Variants in NAT10 observed in about 807,000 individuals in gnomAD.
The protein encoded by NAT10 is RNA cytidine acetyltransferase.
In NAT10, 109 loss-of-function variants were observed where a neutral mutation model predicts 132.2. That is an observed-to-expected ratio of 0.82 (90% CI 0.71 to 0.97). The LOEUF (loss-of-function observed/expected upper bound fraction) is 0.97, where lower values mean the gene tolerates loss of function less well. Ranked by LOEUF, NAT10 falls within the 50% of genes least tolerant of loss-of-function variation. The pLI, the probability that NAT10 is intolerant of heterozygous loss-of-function variation, is 0.00. For synonymous variants in NAT10, 479 were observed against 478.0 expected (o/e 1.00, Z -0.03); for missense variants, 1,184 against 1,263.4 (o/e 0.94, Z 0.95).
chr11:34,141,879 A>AT, intron 26 of NAT10, 62 bp downstream of exon 26: 2 of 1,355,090 alleles, frequency 1.5e-6, no homozygotes, highest in Non-Finnish European at 1.1e-6. Flanking sequence ...TAGGCTGTGA[A>AT]TTCAGACTGT....
chr11:34,145,797 C>G lies in NAT10; in HGVS notation c.2970-287C>G, dbSNP rs566993834. On this transcript the variant is annotated intron_variant, in intron 28 of 28. Coordinates refer to ENST00000257829, the MANE Select transcript of NAT10 (RefSeq NM_024662.3). ...TCTTGGGAGAGGGGAGCAGAGTGTA[C>G]TGCACCCTGAGGAGAACCCGGATTT... Among the ~76,000 whole-genome samples, 99 of 152,206 alleles carry G rather than the reference C, an allele frequency of 6.5e-4. 3 individuals carry two copies. The South Asian group carries it at 0.02, about 31-fold the overall frequency.
chr11:34,132,501 G>C (rs1301914033), intron 15 of NAT10, among the ~76,000 whole-genome samples: 1 of 91,214 alleles, frequency 1.1e-5, no homozygotes, highest in Non-Finnish European at 3.3e-5. Flanking sequence ...GTTGTGGCCC[G>C]GTGGTGCAGT....
At chr11:34,113,684 G>A (rs1472713257) in intron 4 of NAT10, 32 bp from the exon 5 acceptor site, 2 of 1,431,072 alleles carry the variant, frequency 1.4e-6, no homozygotes, top group Admixed American at 3.6e-5. Context: ...CTATTTGCAT[G>A]ACCAGCCCTT....
chr11:34,128,360 A>T (rs1448227357), intron 12 of NAT10, among the ~76,000 whole-genome samples: 4 of 151,394 alleles, frequency 2.6e-5, no homozygotes, highest in African/African-American at 9.8e-5. Flanking sequence ...TCAAAAACAA[A>T]ACAAAAAAAA....
chr11:34,112,464 A>G (rs569357629), intron 4 of NAT10, among the ~76,000 whole-genome samples: 2 of 152,402 alleles, frequency 1.3e-5, no homozygotes, highest in East Asian at 3.9e-4. Flanking sequence ...GTGATGAGTT[A>G]TTATAACGGG....
chr11:34,108,563 G>A (rs1439252529), intron 2 of NAT10, among the ~76,000 whole-genome samples, 179 bp from the exon 3 acceptor site: 1 of 152,186 alleles, frequency 6.6e-6, no homozygotes, highest in Non-Finnish European at 1.5e-5. Flanking sequence ...TGACCACAAA[G>A]TGAACTGTAT....
intron 26 of NAT10, 53 bp downstream of exon 26, chr11:34,141,870 A>C (rs897106771): frequency 1.4e-6 from 2 of 1,468,102 alleles, no homozygotes; most frequent in Admixed American, 3.4e-5. Flanking sequence ...CAGTTGCCTT[A>C]GGCTGTGAAT....
Position 34,118,205 on chromosome 11 carries a change from A to C in NAT10, c.583A>C (p.Lys195Gln). Reference sequence around the variant, plus strand: ...GTTTATTCTGTCTCTGGCCTCTTGTAAGAAGTGTCTCGTCATTGATGACCA... The same window carrying C: ...GTTTATTCTGTCTCTGGCCTCTTGTCAGAAGTGTCTCGTCATTGATGACCA... ...ERFILSLASC[K>Q]KCLVIDDQLN... The change falls in exon 7 of 29, where the codon AAG becomes CAG. Residue 195 changes from lysine to glutamine, a missense_variant. Physicochemically the swap from Lys to Gln is moderately conservative, Grantham distance 53. Transcript: ENST00000257829. 1 of 1,614,144 alleles carries C rather than the reference A, an allele frequency of 6.2e-7. No homozygotes were observed. Among genetic ancestry groups the C allele is most frequent in the East Asian group, 2.2e-5 (1 of 44,880 alleles).
rs567992675 is a variant in NAT10, at chr11:34,127,059, G to A, written c.1108-404G>A. Among the ~76,000 whole-genome samples, 40 of 152,260 alleles carry A rather than the reference G, an allele frequency of 2.6e-4. No individual in the cohort carries two copies. The South Asian group carries it at 6.6e-3, about 25-fold the overall frequency. ...TCCTTATCTGAGGCTGGGGGAAAAC[G>A]TGAGGAGACAAAGGAGAGAAAGGAA... On this transcript the variant is annotated intron_variant, in intron 11 of 28. Coordinates refer to ENST00000257829, the MANE Select transcript of NAT10 (RefSeq NM_024662.3).
chr11:34,133,386 C>T (rs1030036805), intron 16 of NAT10, among the ~76,000 whole-genome samples: 1 of 152,202 alleles, frequency 6.6e-6, no homozygotes, highest in African/African-American at 2.4e-5. Flanking sequence ...CTTATTTTGA[C>T]TCACAGCTTC....
chr11:34,130,420 TC>T (rs1215256181), intron 12 of NAT10, among the ~76,000 whole-genome samples: 1 of 152,212 alleles, frequency 6.6e-6, no homozygotes, highest in Non-Finnish European at 1.5e-5. Context: ...TGTTCCAGCT[TC>T]ACTAAAACTG....
In NAT10 at chr11:34,146,286, C is replaced by T; in HGVS notation, c.*94C>T. On this transcript the variant is annotated 3_prime_UTR_variant, in exon 29 of 29. Transcript: ENST00000257829. The stretch of plus-strand genomic sequence containing the variant: ...TGGACTGTTAAAAGCAACGAGAGGC[C>T]CCGGCACACCTGGAAGCTGGCCGCG... The T allele has an allele frequency of 1.1e-6, 1 of 900,758 alleles. No individual in the cohort carries two copies. Among genetic ancestry groups the T allele is most frequent in the Admixed American group, 2.9e-5 (1 of 34,156 alleles). The allele number at this position is 900,758 out of a possible 1,614,324, so 55.8% of individuals were successfully genotyped here.
intron 21 of NAT10, 94 bp downstream of exon 21, chr11:34,137,120 G>T: frequency 7.4e-7 from 1 of 1,348,484 alleles, no homozygotes; most frequent in Non-Finnish European, 1.1e-6. Flanking sequence ...CCTCCCTGCT[G>T]CATCGCTCTG....
intron 11 of NAT10, among the ~76,000 whole-genome samples, chr11:34,127,147 C>T (rs894848346): frequency 3.3e-5 from 5 of 152,300 alleles, no homozygotes; most frequent in East Asian, 1.9e-4. Context: ...TCTTTATATA[C>T]CTGCTTTATT....
intron 11 of NAT10, among the ~76,000 whole-genome samples, chr11:34,126,443 C>T (rs1419690404): frequency 1.3e-5 from 2 of 152,170 alleles, no homozygotes; most frequent in Non-Finnish European, 2.9e-5. Context: ...GCTTGTAGAT[C>T]TGGTTGATTG....
At chr11:34,105,932 T>G (rs1446310085) in intron 1 of NAT10, 140 bp downstream of exon 1, 1 of 152,314 alleles carries the variant, frequency 6.6e-6, no homozygotes, top group East Asian at 1.9e-4. Flanking sequence ...TCCACCCCTC[T>G]TTTGGGGCGC....
intron 6 of NAT10, among the ~76,000 whole-genome samples, chr11:34,117,470 T>C (rs1851801453): frequency 6.6e-6 from 1 of 152,140 alleles, no homozygotes; most frequent in Non-Finnish European, 1.5e-5. Context: ...AATTATCTGG[T>C]CCAAAATGTC....
chr11:34,113,835 T>C lies in NAT10; in HGVS notation c.492T>C (p.Thr164=), dbSNP rs1699953324. The C allele has an allele frequency of 2.5e-6, 4 of 1,612,548 alleles. No homozygotes were observed. Among genetic ancestry groups the C allele is most frequent in the Non-Finnish European group, 3.4e-6 (4 of 1,179,468 alleles). ...CACTCAAGCAATTGTACACAGTGACTATGGTAAGCATCTGTTTTTTAACTT... is the reference window on the plus strand; with the variant it reads ...CACTCAAGCAATTGTACACAGTGACCATGGTAAGCATCTGTTTTTTAACTT... The part of the protein sequence containing the change: ...MNSLKQLYTV[T]MDVHSRYRTE... Residue 164 remains threonine, a synonymous_variant, in exon 5 of 29, where the codon ACT becomes ACC. Transcript: ENST00000257829.
chr11:34,133,345 C>T (rs748285413), intron 16 of NAT10, among the ~76,000 whole-genome samples: 68 of 152,294 alleles, frequency 4.5e-4, no homozygotes, highest in Non-Finnish European at 7.6e-4. Context: ...CCACTGTTGA[C>T]GGACGGGGAA....
Sources: allele counts gnomAD v4.1 joint callset (sites outside exome capture counted in the v4.1 genomes callset), GRCh38; gene constraint gnomAD v4.1.1; transcripts MANE v1.5; gene names NCBI Gene and HGNC (gene_info 2026-07-23, HGNC 2026-07-21).